WNK3: variants seen among roughly 807,000 people sequenced by gnomAD.
The protein encoded by WNK3 is serine/threonine-protein kinase WNK3.
WNK3 carries 18 observed loss-of-function variants against 116.7 expected under a neutral mutation model. The ratio of observed to expected loss-of-function variants is 0.15; its 90% CI spans 0.11 to 0.23. The LOEUF (loss-of-function observed/expected upper bound fraction) is 0.23, where lower values mean the gene tolerates loss of function less well. Ranked by LOEUF, WNK3 falls within the 10% of genes least tolerant of loss-of-function variation. The probability of loss-of-function intolerance (pLI) is 1.00; values close to 1 mark genes in which losing one functional copy is unlikely to be tolerated. For synonymous variants in WNK3, 404 were observed against 469.4 expected (o/e 0.86, Z 1.80); for missense variants, 993 against 1,323.8 (o/e 0.75, Z 3.88).
At chrX:54,233,223 G>A (rs782020901) in intron 20 of WNK3, among the ~76,000 whole-genome samples, 5 of 102,803 alleles carry the variant, frequency 4.9e-5, no homozygotes, top group Admixed American at 1.1e-4. Flanking sequence ...CTAGAAGTTC[G>A]AGACAAGCCT....
chrX:54,303,009 C>T (rs2068785550), intron 5 of WNK3, among the ~76,000 whole-genome samples: 2 of 89,119 alleles, frequency 2.2e-5, no homozygotes, highest in Non-Finnish European at 4.2e-5. Flanking sequence ...TGGGCTCAAA[C>T]AGTCCTCCTG....
rs782751681 is a variant in WNK3, at chrX:54,237,925, A to C, written c.4015-374T>G. On this transcript the variant is annotated intron_variant, in intron 19 of 23. Coordinates refer to ENST00000354646, the Ensembl canonical transcript of WNK3. ...GATGAACAAATTAAATATGACAATG[A>C]TCTACATTTAAAGTAAGTATCATCG... Among the ~76,000 whole-genome samples, 3 of 111,722 alleles carry C rather than the reference A, an allele frequency of 2.7e-5. No homozygotes were observed. In the South Asian group the frequency reaches 1.1e-3, roughly 42 times the overall value.
Position 54,254,183 on chromosome X carries a change from T to G in WNK3, c.2251-108A>C, listed in dbSNP as rs1316574170. ...ACGTACAATATATGTGGAAAATGGC[T>G]TAAATAGTTCAGAATGTTTTCCCTT... is the stretch of plus-strand genomic sequence containing the variant. On this transcript the variant is annotated intron_variant, in intron 12 of 23. Transcript: ENST00000354646. The G allele has an allele frequency of 3.4e-5, 16 of 467,295 alleles. No homozygotes were observed. The African/African-American group carries it at 3.6e-4, about 10-fold the overall frequency. The allele number at this position is 467,295 out of a possible 1,213,427, so 38.5% of individuals were successfully genotyped here.
At chrX:54,231,535 C>T (rs2067898735) in intron 21 of WNK3, among the ~76,000 whole-genome samples, 1 of 111,660 alleles carries the variant, frequency 9.0e-6, no homozygotes, top group Non-Finnish European at 1.9e-5. Flanking sequence ...GGCACTCTTC[C>T]TCCATCTTCA....
exon 24 of WNK3, chrX:54,197,983 G>A (rs1213206638): frequency 6.6e-6 from 1 of 151,037 alleles, no homozygotes; most frequent in Non-Finnish European, 1.2e-5. Context: ...CGGGGGATGG[G>A]GAGCTTCTCA....
chrX:54,203,683 C>T (rs782232403), intron 22 of WNK3, among the ~76,000 whole-genome samples: 13 of 110,884 alleles, frequency 1.2e-4, no homozygotes, highest in Non-Finnish European at 2.1e-4. Flanking sequence ...GTGGGCTTTC[C>T]GTTGTACTCC....
At chrX:54,278,745 A>G (rs566967301) in intron 10 of WNK3, among the ~76,000 whole-genome samples, 1 of 112,023 alleles carries the variant, frequency 8.9e-6, no homozygotes, top group African/African-American at 3.2e-5. Flanking sequence ...CAAGATTAAC[A>G]TATTACCTTG....
At chrX:54,304,812 A>G (rs2068804970) in intron 5 of WNK3, among the ~76,000 whole-genome samples, 1 of 111,100 alleles carries the variant, frequency 9.0e-6, no homozygotes, top group Admixed American at 9.7e-5. Flanking sequence ...AAACTAAATT[A>G]TAAAAGTTTA....
At chrX:54,204,416 C>T (rs1171813673) in intron 22 of WNK3, among the ~76,000 whole-genome samples, 1 of 111,627 alleles carries the variant, frequency 9.0e-6, no homozygotes, top group African/African-American at 3.3e-5. Context: ...CTGCACCCAG[C>T]CTTAAATATC....
At chrX:54,337,557 C>CATATAAATAAAT (rs2069256860) in intron 1 of WNK3, among the ~76,000 whole-genome samples, 1 of 73,883 alleles carries the variant, frequency 1.4e-5, no homozygotes, top group African/African-American at 5.2e-5. Flanking sequence ...AGACTAGTCT[C>CATATAAATAAAT]AAATAAATAA....
chrX:54,350,270 C>T (rs1441001130), intron 1 of WNK3, among the ~76,000 whole-genome samples: 1 of 110,467 alleles, frequency 9.1e-6, no homozygotes, highest in African/African-American at 3.3e-5. Context: ...GTTAGCCAGG[C>T]GTGGTGGCGG....
rs185957125 is a variant in WNK3 at position 54,205,515 on chromosome X, C to T, written c.4871-3322G>A. On this transcript the variant is annotated intron_variant, in intron 22 of 23. Coordinates refer to ENST00000354646, the Ensembl canonical transcript of WNK3. ...AACTGAAGCAAGTATTTAAATGAAA[C>T]AGGGACTAGGGCAACAACCACTGCA... 1.6e-3 allele frequency among the ~76,000 whole-genome samples: 172 copies of T among 110,937 alleles called. 2 individuals carry two copies. Among genetic ancestry groups the T allele is most frequent in the African/African-American group, 5.4e-3 (165 of 30,472 alleles).
chrX:54,346,537 T>C (rs2069433243), intron 1 of WNK3, among the ~76,000 whole-genome samples: 1 of 101,567 alleles, frequency 9.8e-6, no homozygotes, highest in South Asian at 4.6e-4. Flanking sequence ...CCCAGGGAGG[T>C]TGAGGCTGCA....
intron 10 of WNK3, among the ~76,000 whole-genome samples, chrX:54,268,080 G>GCACACACA (rs57010526): frequency 2.0e-3 from 159 of 80,802 alleles, no homozygotes; most frequent in East Asian, 6.8e-3. Flanking sequence ...CTGAATGCGT[G>GCACACACA]CACACACACA....
intron 1 of WNK3, among the ~76,000 whole-genome samples, chrX:54,340,098 C>A (rs967761783): frequency 9.1e-6 from 1 of 110,203 alleles, no homozygotes. Context: ...TACAGTGAGC[C>A]GAGATCACGC....
At chrX:54,354,858 C>T (rs1387965184) in intron 1 of WNK3, among the ~76,000 whole-genome samples, 1 of 110,154 alleles carries the variant, frequency 9.1e-6, no homozygotes, top group Non-Finnish European at 1.9e-5. Flanking sequence ...CCGAGGCGGG[C>T]GGATCACTTG....
chrX:54,211,361 G>C (rs782754494), intron 22 of WNK3, among the ~76,000 whole-genome samples: 20 of 107,136 alleles, frequency 1.9e-4, no homozygotes, highest in African/African-American at 5.5e-4. Flanking sequence ...AGGATCGCTT[G>C]AACCTGGGAG....
intron 10 of WNK3, among the ~76,000 whole-genome samples, chrX:54,282,748 G>A (rs2068531858): frequency 9.0e-6 from 1 of 111,644 alleles, no homozygotes; most frequent in Admixed American, 9.6e-5. Flanking sequence ...AATGGCACTG[G>A]AAAAACTGGA....
intron 17 of WNK3, among the ~76,000 whole-genome samples, chrX:54,246,707 G>T (rs1414619314): frequency 1.8e-5 from 2 of 111,943 alleles, no homozygotes; most frequent in African/African-American, 6.5e-5. Context: ...CTAATCACAT[G>T]TGGCTGTCTA....
Sources: gnomAD v4.1 joint callset for allele counts (sites outside exome capture counted in the v4.1 genomes callset) on GRCh38, gnomAD v4.1.1 for gene constraint, MANE v1.5 for transcripts, NCBI Gene and HGNC (gene_info 2026-07-23, HGNC 2026-07-21) for gene names.